Variants in PLPPR5 observed in about 807,000 individuals in gnomAD.
PLPPR5 encodes phospholipid phosphatase related 5, also known as phospholipid phosphatase-related protein type 5.
PLPPR5 carries 16 observed loss-of-function variants against 33.9 expected under a neutral mutation model. That is an observed-to-expected ratio of 0.47 (90% CI 0.32 to 0.72). The LOEUF (loss-of-function observed/expected upper bound fraction) is 0.72. Among genes scored for constraint, PLPPR5 ranks in the 30% least tolerant of loss-of-function variants. The pLI, the probability that PLPPR5 is intolerant of heterozygous loss-of-function variation, is 0.03. For missense variants in PLPPR5, 301 were observed against 406.7 expected (o/e 0.74, Z 2.23); for synonymous variants, 163 against 150.3 (o/e 1.08, Z -0.62).
At chr1:98,964,394 G>A (rs1347611499) in intron 1 of PLPPR5, among the ~76,000 whole-genome samples, 2 of 152,136 alleles carry the variant, frequency 1.3e-5, no homozygotes, top group Admixed American at 6.5e-5. Context: ...TGGTCCCAGT[G>A]GGAAGGATCA....
chr1:98,917,331 A>C lies in PLPPR5; in HGVS notation c.799-2411T>G, dbSNP rs1005045578. ...TTTATCTCCTCCACCAACTCCAAAA[A>C]CGAAGCAACTACCACCTGTTGCCTG... On this transcript the variant is annotated intron_variant, in intron 4 of 5. Transcript: ENST00000263177. 2.0e-5 allele frequency among the ~76,000 whole-genome samples: 3 copies of C among 152,136 alleles called. No individual in the cohort carries two copies. In the East Asian group the frequency reaches 5.8e-4, roughly 29 times the overall value.
intron 1 of PLPPR5, among the ~76,000 whole-genome samples, chr1:99,002,270 C>T (rs1286423334): frequency 3.3e-5 from 5 of 152,098 alleles, no homozygotes; most frequent in Admixed American, 2.0e-4. Context: ...TCTCTTGTAC[C>T]TAAAAGAACT....
At chr1:98,979,733 T>C (rs903160943) in intron 1 of PLPPR5, among the ~76,000 whole-genome samples, 2 of 152,082 alleles carry the variant, frequency 1.3e-5, no homozygotes, top group Non-Finnish European at 2.9e-5. Context: ...ACCCAGATCG[T>C]GTGCCTGGGA....
At chr1:98,961,821 T>C (rs762415810) in intron 1 of PLPPR5, among the ~76,000 whole-genome samples, 4 of 152,166 alleles carry the variant, frequency 2.6e-5, no homozygotes, top group Admixed American at 6.5e-5. Flanking sequence ...TTATCTGGCA[T>C]TTTATTTTGG....
intron 5 of PLPPR5, among the ~76,000 whole-genome samples, chr1:98,896,053 A>G (rs1648459414): frequency 6.6e-6 from 1 of 151,860 alleles, no homozygotes; most frequent in Admixed American, 6.6e-5. Flanking sequence ...CACTTCTGGC[A>G]CAGGGGTGAT....
chr1:99,003,944 G>A (rs1030027398), intron 1 of PLPPR5, among the ~76,000 whole-genome samples: 1 of 152,184 alleles, frequency 6.6e-6, no homozygotes, highest in African/African-American at 2.4e-5. Flanking sequence ...GGAGGGAGGT[G>A]GCGAAATAGA....
intron 3 of PLPPR5, among the ~76,000 whole-genome samples, chr1:98,937,990 C>G (rs990780498): frequency 1.3e-5 from 2 of 152,030 alleles, no homozygotes; most frequent in Admixed American, 6.6e-5. Context: ...AGAATGCCCA[C>G]CTATATACAT....
chr1:98,942,420 G>T (rs1222069269), intron 3 of PLPPR5, among the ~76,000 whole-genome samples: 2 of 152,198 alleles, frequency 1.3e-5, no homozygotes, highest in African/African-American at 2.4e-5. Flanking sequence ...GATCAGAGAA[G>T]ATACTATATC....
chr1:98,962,011 A>G (rs1651266549), intron 1 of PLPPR5, among the ~76,000 whole-genome samples: 1 of 152,170 alleles, frequency 6.6e-6, no homozygotes, highest in Non-Finnish European at 1.5e-5. Context: ...TTGGAAGGCC[A>G]CACAGCCTTT....
At chr1:98,990,161 G>A (rs55934047) in intron 1 of PLPPR5, among the ~76,000 whole-genome samples, 13,856 of 152,140 alleles carry the variant, frequency 0.091, 731 homozygotes, top group Non-Finnish European at 0.11. Context: ...CTGAGATCAG[G>A]AGTTTGAGAC....
chr1:98,960,617 A>G (rs551102089), intron 1 of PLPPR5, among the ~76,000 whole-genome samples: 1 of 152,328 alleles, frequency 6.6e-6, no homozygotes, highest in Admixed American at 6.5e-5. Context: ...TGTTTGAAGA[A>G]AGGTTTATAA....
intron 5 of PLPPR5, among the ~76,000 whole-genome samples, chr1:98,896,843 A>T (rs754440028): frequency 1.7e-4 from 17 of 102,640 alleles, no homozygotes; most frequent in Non-Finnish European, 2.9e-4. Context: ...TCTGTAATTT[A>T]AAAAAAAAAT....
At chr1:98,999,083 C>G (rs1482416119) in intron 1 of PLPPR5, among the ~76,000 whole-genome samples, 1 of 152,102 alleles carries the variant, frequency 6.6e-6, no homozygotes, top group Non-Finnish European at 1.5e-5. Flanking sequence ...ATTCAGACTC[C>G]CAATTTGTGA....
At chr1:99,002,418 G>A (rs1480942979) in intron 1 of PLPPR5, among the ~76,000 whole-genome samples, 1 of 152,162 alleles carries the variant, frequency 6.6e-6, no homozygotes, top group East Asian at 1.9e-4. Flanking sequence ...TAAGTCGCAT[G>A]GCATTCAGGC....
intron 1 of PLPPR5, among the ~76,000 whole-genome samples, chr1:99,002,377 C>T (rs1652880776): frequency 6.6e-6 from 1 of 152,224 alleles, no homozygotes; most frequent in Non-Finnish European, 1.5e-5. Flanking sequence ...CTTCCACCTT[C>T]TTTCAGAGAA....
At chr1:98,910,683 G>A (rs1435712991) in intron 5 of PLPPR5, among the ~76,000 whole-genome samples, 1 of 152,144 alleles carries the variant, frequency 6.6e-6, no homozygotes, top group African/African-American at 2.4e-5. Context: ...GCACAAGGCA[G>A]TAACCAGCCC....
In PLPPR5 at chr1:98,893,215, G is replaced by T; in HGVS notation, c.934-111C>A. On this transcript the variant is annotated intron_variant, in intron 5 of 5. Coordinates refer to ENST00000263177, the MANE Select transcript of PLPPR5 (RefSeq NM_001037317.2). Reference sequence around the variant, plus strand: ...AGCTTATATGCTGAATGTTGAAGTTGCAAAACATCCAGCATTATTAAACTA... The same window carrying T: ...AGCTTATATGCTGAATGTTGAAGTTTCAAAACATCCAGCATTATTAAACTA... The T allele has an allele frequency of 5.3e-6, 5 of 942,352 alleles. No homozygotes were observed. The South Asian group carries it at 8.1e-5, about 15-fold the overall frequency. 58.4% of individuals were successfully genotyped at this position (942,352 alleles called of 1,614,324 possible).
chr1:98,941,255 T>C (rs1447658123), intron 3 of PLPPR5, among the ~76,000 whole-genome samples: 1 of 151,868 alleles, frequency 6.6e-6, no homozygotes, highest in East Asian at 1.9e-4. Context: ...GTTTCCAACA[T>C]ATTAAAAAGA....
At chr1:99,001,681 T>TATATATATATAG (rs1652855223) in intron 1 of PLPPR5, among the ~76,000 whole-genome samples, 14 of 142,322 alleles carry the variant, frequency 9.8e-5, no homozygotes, top group Admixed American at 7.7e-4. Context: ...GATATATATA[T>TATATATATATAG]ATATATATAT....
Sources: gnomAD v4.1 joint callset for allele counts (sites outside exome capture counted in the v4.1 genomes callset) on GRCh38, gnomAD v4.1.1 for gene constraint, MANE v1.5 for transcripts, NCBI Gene and HGNC (gene_info 2026-07-23, HGNC 2026-07-21) for gene names.